The following FTSJ1 variants were observed in gnomAD, a reference collection of about 807,000 sequenced individuals.
FTSJ1 encodes tRNA (cytidine(32)/guanosine(34)-2'-O)-methyltransferase.
A neutral mutation model predicts 28.5 loss-of-function variants in FTSJ1; 3 were observed. The ratio of observed to expected loss-of-function variants is 0.11; its 90% CI spans 0.05 to 0.27. The LOEUF is 0.27. Among genes scored for constraint, FTSJ1 ranks in the 10% least tolerant of loss-of-function variants. FTSJ1 has a pLI of 1.00. For synonymous variants in FTSJ1, 104 were observed against 113.9 expected, an observed-to-expected ratio of 0.91 and a Z score of 0.55; for missense variants, 162 against 279.0, an observed-to-expected ratio of 0.58 and a Z score of 2.99.
chrX:48,476,650 T>C (rs2061533917), intron 1 of FTSJ1: 1 of 153,121 alleles, frequency 6.5e-6, no homozygotes. Flanking sequence ...GTGGTCCCGA[T>C]GGAGCTATCA....
intron 11 of FTSJ1, 73 bp from the exon 12 acceptor site, chrX:48,482,913 A>T: frequency 8.3e-7 from 1 of 1,209,932 alleles, no homozygotes; most frequent in Admixed American, 2.2e-5. Flanking sequence ...GCTATAAAAA[A>T]TTGGTAAAGC....
At chrX:48,484,448 ATC>A (rs2061589650) in intron 12 of FTSJ1, among the ~76,000 whole-genome samples, 1 of 110,219 alleles carries the variant, frequency 9.1e-6, no homozygotes, top group African/African-American at 3.3e-5. Context: ...CAGTGGCACT[ATC>A]TCAGCTCACT....
chrX:48,483,028 G>A lies in FTSJ1; in HGVS notation c.*9+1G>A. 1 of 1,193,584 alleles carries A rather than the reference G, an allele frequency of 8.4e-7. No homozygotes were observed. Among genetic ancestry groups the A allele is most frequent in the Non-Finnish European group, 1.1e-6 (1 of 878,805 alleles). The stretch of plus-strand genomic sequence containing the variant: ...GAGTTGTTCACCTTAACCCATTACG[G>A]TAAGTTTGCCTTGTTATCTAAGAGT... On this transcript the variant is annotated splice_donor_variant, in intron 12 of 12. Coordinates refer to ENST00000348411, the MANE Select transcript of FTSJ1 (RefSeq NM_012280.4). LOFTEE classifies it low-confidence loss of function (3UTR_SPLICE).
At chrX:48,478,974 G>A (rs879999097) in intron 4 of FTSJ1, 64 bp from the exon 5 acceptor site, 1 of 900,068 alleles carries the variant, frequency 1.1e-6, no homozygotes, top group Non-Finnish European at 1.6e-6. Context: ...AGGACCATGG[G>A]CAGGCGGGAT....
At chrX:48,477,319 T>C (rs782411390) in intron 1 of FTSJ1, among the ~76,000 whole-genome samples, 5 of 110,912 alleles carry the variant, frequency 4.5e-5, no homozygotes, top group Admixed American at 9.6e-5. Flanking sequence ...GAAGGGTCTA[T>C]TGGAGAAAAC....
intron 5 of FTSJ1, among the ~76,000 whole-genome samples, 168 bp downstream of exon 5, chrX:48,479,284 T>C (rs5953240): frequency 0.15 from 16,206 of 111,611 alleles, 2,867 homozygotes; most frequent in African/African-American, 0.5. Context: ...CTGCTGCCTG[T>C]TCTCTCTCTG....
intron 3 of FTSJ1, 40 bp downstream of exon 3, chrX:48,478,558 G>A (rs2061547903): frequency 1.7e-6 from 2 of 1,190,948 alleles, no homozygotes; most frequent in South Asian, 1.8e-5. Flanking sequence ...CAGGAGGGCC[G>A]GCTGGGTGGG....
intron 1 of FTSJ1, 21 bp downstream of exon 1, chrX:48,476,417 G>A: frequency 3.4e-6 from 1 of 295,033 alleles, no homozygotes; most frequent in Non-Finnish European, 5.9e-6. Context: ...GGGCGCGGAG[G>A]ACAGGAATGC....
chrX:48,484,613 C>G (rs1484582464), intron 12 of FTSJ1, among the ~76,000 whole-genome samples: 1 of 110,246 alleles, frequency 9.1e-6, no homozygotes, highest in Non-Finnish European at 1.9e-5. Flanking sequence ...TCTCAAACTC[C>G]TGACCTCACA....
At position 48,482,453 on chromosome X, in the gene FTSJ1, G is replaced by A. The variant is rs2061575463; in HGVS notation, c.706G>A (p.Val236Met). ...DGPTRIIVPF[V>M]TCGDLSSYDS... Reference sequence around the variant, plus strand: ...TCCCACCCGCATCATTGTGCCTTTTGTGACCTGTGGGGACCTGAGCTCCTA... The same window carrying A: ...TCCCACCCGCATCATTGTGCCTTTTATGACCTGTGGGGACCTGAGCTCCTA... Residue 236 changes from valine to methionine, a missense_variant, in exon 10 of 13, where the codon GTG (valine) becomes ATG (methionine). Coordinates refer to ENST00000348411, the MANE Select transcript of FTSJ1 (RefSeq NM_012280.4). 1 of 1,208,415 alleles carries A rather than the reference G, an allele frequency of 8.3e-7. No homozygotes were observed.
In FTSJ1 at chrX:48,480,121, G is replaced by A. The variant is rs187923144; in HGVS notation, c.361+1005G>A. ...ATCGCACCATTGCACTCCAGCCTGA[G>A]CAACAAGAGCGAAACTCCGTCTCAA... On this transcript the variant is annotated intron_variant, in intron 5 of 12. Coordinates refer to ENST00000348411, the MANE Select transcript of FTSJ1 (RefSeq NM_012280.4). Among the ~76,000 whole-genome samples the A allele has an allele frequency of 4.5e-5, 5 of 110,603 alleles. No individual in the cohort carries two copies. The East Asian group carries it at 1.4e-3, about 32-fold the overall frequency.
chrX:48,485,522 T>A (rs1464850266), intron 12 of FTSJ1, among the ~76,000 whole-genome samples: 1 of 110,200 alleles, frequency 9.1e-6, no homozygotes, highest in Non-Finnish European at 1.9e-5. Flanking sequence ...CACAAAAATG[T>A]TAGCAGCAGA....
chrX:48,477,749 G>A (rs1306710288), intron 1 of FTSJ1, among the ~76,000 whole-genome samples: 2 of 110,633 alleles, frequency 1.8e-5, no homozygotes, highest in Non-Finnish European at 3.8e-5. Context: ...TGGGTTTATG[G>A]GGTCTTTTGT....
In FTSJ1 at chrX:48,482,435, C is replaced by G; in HGVS notation, c.688C>G (p.Arg230Gly). ...TTTCAACCAGCTGGATGGTCCCACCCGCATCATTGTGCCTTTTGTGACCTG... is the reference window on the plus strand; with the variant it reads ...TTTCAACCAGCTGGATGGTCCCACCGGCATCATTGTGCCTTTTGTGACCTG... Reference protein sequence around the residue: ...PDFNQLDGPTRIIVPFVTCGD... With the variant: ...PDFNQLDGPTGIIVPFVTCGD... The change falls in exon 10 of 13, where the codon CGC (arginine) becomes GGC (glycine). Residue 230 changes from arginine to glycine, a missense_variant. Transcript: ENST00000348411. 1 of 1,206,360 alleles carries G rather than the reference C, an allele frequency of 8.3e-7. No individual in the cohort carries two copies. The highest frequency in any genetic ancestry group is 1.8e-5 in the South Asian group (1 of 56,746).
rs140074225 is a variant in FTSJ1 at position 48,482,485 on chromosome X, G to A, written c.738G>A (p.Ser246=). 2,007 of 1,200,567 alleles carry A rather than the reference G, an allele frequency of 1.7e-3. 1 individual carries two copies. The highest frequency in any genetic ancestry group is 2.0e-3 in the Non-Finnish European group (1,748 of 887,438). ...GTGGGGACCTGAGCTCCTATGATTCGGACCGCAGTTACCCACTGGACGTGA... is the reference window on the plus strand; with the variant it reads ...GTGGGGACCTGAGCTCCTATGATTCAGACCGCAGTTACCCACTGGACGTGA... ...VTCGDLSSYD[S]DRSYPLDLEG... The change falls in exon 10 of 13, where the codon TCG becomes TCA. Residue 246 remains serine (S), a synonymous_variant. Transcript: ENST00000348411.
chrX:48,477,131 GTTAAC>G (rs2061537701), intron 1 of FTSJ1, among the ~76,000 whole-genome samples: 1 of 110,960 alleles, frequency 9.0e-6, no homozygotes, highest in Non-Finnish European at 1.9e-5. Context: ...GGTTGGGGGG[GTTAAC>G]TTCTGTTGAT....
chrX:48,485,045 G>A (rs933349861), intron 12 of FTSJ1, among the ~76,000 whole-genome samples: 1 of 111,701 alleles, frequency 9.0e-6, no homozygotes, highest in Admixed American at 9.6e-5. Flanking sequence ...TGTAATCCCA[G>A]CACTTTGGGA....
rs574701509 is a variant in FTSJ1, at chrX:48,480,421, G to T, written c.362-730G>T. Among the ~76,000 whole-genome samples, 21 of 110,722 alleles carry T rather than the reference G, an allele frequency of 1.9e-4. No individual in the cohort carries two copies. In the South Asian group the frequency reaches 2.7e-3, roughly 14 times the overall value. The stretch of plus-strand genomic sequence containing the variant: ...TCACTGTGGTTGGAACAGAGTGAGG[G>T]GGGGAGAGTGGTAAAAGGTAACATC... On this transcript the variant is annotated intron_variant, in intron 5 of 12. Transcript: ENST00000348411.
chrX:48,478,012 G>T lies in FTSJ1; in HGVS notation c.-36G>T. ...TTACTGATACTGGCCGGCATCAGTG[G>T]ACTGTCGGCAGGTCCTTGAGCAACT... On this transcript the variant is annotated 5_prime_UTR_variant, in exon 2 of 13. Transcript: ENST00000348411. 1 of 1,211,262 alleles carries T rather than the reference G, an allele frequency of 8.3e-7. No individual in the cohort carries two copies. The highest frequency in any genetic ancestry group is 2.3e-4 in the Middle Eastern group (1 of 4,353).
Sources: gnomAD v4.1 joint callset for allele counts (sites outside exome capture counted in the v4.1 genomes callset) on GRCh38, gnomAD v4.1.1 for gene constraint, MANE v1.5 for transcripts, NCBI Gene and HGNC (gene_info 2026-07-23, HGNC 2026-07-21) for gene names.